CNGB3: variants seen among roughly 807,000 people sequenced by gnomAD.
CNGB3 encodes cyclic nucleotide gated channel subunit beta 3.
In CNGB3, 86 loss-of-function variants were observed where a neutral mutation model predicts 92.8. The ratio of observed to expected loss-of-function variants is 0.93; its 90% CI spans 0.78 to 1.11. CNGB3 has a LOEUF of 1.11. Among genes scored for constraint, CNGB3 ranks in the 50% least tolerant of loss-of-function variants. The pLI is 0.00. For synonymous variants in CNGB3, 333 were observed against 332.7 expected (o/e 1.00, Z -0.01); for missense variants, 1,026 against 956.8 (o/e 1.07, Z -0.95).
At chr8:86,704,628 G>A (rs999413238) in intron 3 of CNGB3, among the ~76,000 whole-genome samples, 5 of 152,120 alleles carry the variant, frequency 3.3e-5, no homozygotes, top group Non-Finnish European at 1.5e-5. Flanking sequence ...ATTGGCACTT[G>A]GTCCACCAAG....
At chr8:86,690,388 C>G (rs9657019) in intron 3 of CNGB3, among the ~76,000 whole-genome samples, 2 of 152,024 alleles carry the variant, frequency 1.3e-5, no homozygotes, top group African/African-American at 2.4e-5. Context: ...TCATATCCTT[C>G]GCCCACTTTT....
At chr8:86,646,464 T>C (rs1399780406) in intron 8 of CNGB3, among the ~76,000 whole-genome samples, 8 of 151,230 alleles carry the variant, frequency 5.3e-5, no homozygotes, top group Non-Finnish European at 1.0e-4. Context: ...GCCCCTCATA[T>C]GCAGTGTGTC....
intron 15 of CNGB3, among the ~76,000 whole-genome samples, chr8:86,580,171 C>T (rs1821734445): frequency 9.0e-6 from 1 of 111,238 alleles, no homozygotes; most frequent in Non-Finnish European, 1.8e-5. Flanking sequence ...GGAACTCACT[C>T]ATTATCACGA....
intron 6 of CNGB3, chr8:86,661,376 G>T (rs771920785): frequency 7.2e-6 from 3 of 414,046 alleles, no homozygotes; most frequent in Non-Finnish European, 1.4e-5. Flanking sequence ...TAAAAATCAT[G>T]TAAGAGTTAA....
intron 15 of CNGB3, among the ~76,000 whole-genome samples, chr8:86,587,676 T>C (rs1310364874): frequency 6.6e-6 from 1 of 151,372 alleles, no homozygotes; most frequent in Non-Finnish European, 1.5e-5. Flanking sequence ...CTGAGGGCTC[T>C]GTTCTGTTCC....
chr8:86,692,574 T>A (rs1824341672), intron 3 of CNGB3, among the ~76,000 whole-genome samples: 1 of 152,238 alleles, frequency 6.6e-6, no homozygotes, highest in Admixed American at 6.5e-5. Flanking sequence ...CCCATTTGCA[T>A]GGAATGTCTT....
intron 13 of CNGB3, among the ~76,000 whole-genome samples, chr8:86,612,960 T>C (rs538833432): frequency 6.6e-6 from 1 of 152,232 alleles, no homozygotes; most frequent in East Asian, 1.9e-4. Flanking sequence ...AAGCTGTAAT[T>C]GATGGTAGAA....
At chr8:86,730,825 A>T (rs1825143778) in intron 2 of CNGB3, among the ~76,000 whole-genome samples, 1 of 152,228 alleles carries the variant, frequency 6.6e-6, no homozygotes, top group African/African-American at 2.4e-5. Flanking sequence ...GTCAAACAAC[A>T]TGGAGGAAGT....
chr8:86,595,266 C>A (rs571983134), intron 15 of CNGB3, among the ~76,000 whole-genome samples: 9 of 152,204 alleles, frequency 5.9e-5, no homozygotes, highest in African/African-American at 2.2e-4. Flanking sequence ...GGGAGGAACC[C>A]AAACAGGCTG....
At position 86,675,778 on chromosome 8, in the gene CNGB3, A is replaced by T. The variant is rs957035423; in HGVS notation, c.339-4680T>A. Among the ~76,000 whole-genome samples the T allele has an allele frequency of 9.2e-5, 14 of 152,312 alleles. No individual in the cohort carries two copies. The South Asian group carries it at 1.2e-3, about 14-fold the overall frequency. ...AGAATAAAATTTGTGACTTTTTTTG[A>T]TAAAGGTACAAGGGAAACTCATTTT... is the stretch of plus-strand genomic sequence containing the variant. On this transcript the variant is annotated intron_variant, in intron 3 of 17. Transcript: ENST00000320005.
intron 2 of CNGB3, among the ~76,000 whole-genome samples, chr8:86,728,379 C>T (rs1825099422): frequency 7.0e-6 from 1 of 143,224 alleles, no homozygotes; most frequent in Non-Finnish European, 1.5e-5. Flanking sequence ...TTCAATATGT[C>T]ATTTTGTACT....
At chr8:86,592,860 T>G (rs772653061) in intron 15 of CNGB3, among the ~76,000 whole-genome samples, 25 of 152,240 alleles carry the variant, frequency 1.6e-4, no homozygotes, top group Non-Finnish European at 2.2e-4. Flanking sequence ...AGACTTTTTC[T>G]GAGATATCCT....
At chr8:86,612,366 A>G (rs949443058) in intron 13 of CNGB3, among the ~76,000 whole-genome samples, 1 of 152,214 alleles carries the variant, frequency 6.6e-6, no homozygotes, top group African/African-American at 2.4e-5. Context: ...ACTCACTTAC[A>G]TAGTAGTTTT....
chr8:86,595,002 G>C (rs780340191), intron 15 of CNGB3, among the ~76,000 whole-genome samples: 1 of 152,092 alleles, frequency 6.6e-6, no homozygotes, highest in Admixed American at 6.6e-5. Flanking sequence ...GATTACAGGC[G>C]TGAGCCACCG....
chr8:86,594,580 CT>C, intron 15 of CNGB3: 1 of 288,028 alleles, frequency 3.5e-6, no homozygotes, highest in South Asian at 3.5e-5. Flanking sequence ...CCACTGTCAC[CT>C]TCACCCTGAG....
chr8:86,658,999 C>A, intron 6 of CNGB3: 1 of 1,042,946 alleles, frequency 9.6e-7, no homozygotes, highest in Non-Finnish European at 1.5e-6. Flanking sequence ...CCTGCCAGAC[C>A]CTCCAGCTCC....
At chr8:86,613,522 G>T (rs373661887) in intron 13 of CNGB3, among the ~76,000 whole-genome samples, 13 of 152,100 alleles carry the variant, frequency 8.5e-5, no homozygotes, top group African/African-American at 3.1e-4. Flanking sequence ...AAATCCACTT[G>T]AAATATGCTT....
In CNGB3 at chr8:86,739,693, G is replaced by T; in HGVS notation, c.173C>A (p.Thr58Asn). 6.2e-7 allele frequency: 1 copy of T among 1,610,856 alleles called. No homozygotes were observed. Among genetic ancestry groups the T allele is most frequent in the Non-Finnish European group, 8.5e-7 (1 of 1,179,554 alleles). The change falls in exon 2 of 18, where the codon ACT becomes AAT. Residue 58 changes from threonine (T) to asparagine (N), a missense_variant. Transcript: ENST00000320005. The part of the protein sequence containing the change: ...GEEKSLKTKS[T>N]PVTSEEPHTN... ...GTGTGGCTCTTCAGACGTGACTGGA[G>T]TTGACTTGGTTTTGAGAGATTTCTC... is the stretch of plus-strand genomic sequence containing the variant.
At chr8:86,694,060 C>G (rs1217189161) in intron 3 of CNGB3, among the ~76,000 whole-genome samples, 7 of 81,384 alleles carry the variant, frequency 8.6e-5, no homozygotes, top group South Asian at 5.5e-4. Context: ...GACGGGGCGG[C>G]TGGCCGGGCG....
Sources: allele counts gnomAD v4.1 joint callset (sites outside exome capture counted in the v4.1 genomes callset), GRCh38; gene constraint gnomAD v4.1.1; transcripts MANE v1.5; gene names NCBI Gene and HGNC (gene_info 2026-07-23, HGNC 2026-07-21).